The following CEP350 variants were observed in gnomAD, a reference collection of about 807,000 sequenced individuals.
The protein encoded by CEP350 is centrosome-associated protein 350.
Under a neutral mutation model 331.8 loss-of-function variants are expected in CEP350, and 126 were observed. The ratio of observed to expected loss-of-function variants is 0.38; its 90% CI spans 0.33 to 0.44. CEP350 has a LOEUF of 0.44. Among genes scored for constraint, CEP350 ranks in the 20% least tolerant of loss-of-function variants. The probability of loss-of-function intolerance (pLI) is 1.00; values close to 1 mark genes in which losing one functional copy is unlikely to be tolerated. For missense variants in CEP350, 3,406 were observed against 3,634.6 expected (o/e 0.94, Z 1.62); for synonymous variants, 1,200 against 1,259.5 (o/e 0.95, Z 1.00).
intron 1 of CEP350, among the ~76,000 whole-genome samples, chr1:179,962,120 T>TA (rs937641819): frequency 1.3e-5 from 2 of 152,176 alleles, no homozygotes; most frequent in African/African-American, 4.8e-5. Flanking sequence ...GTACTGGTAT[T>TA]ACAGGCGTGA....
At chr1:179,958,252 C>A (rs1353733899) in intron 1 of CEP350, among the ~76,000 whole-genome samples, 2 of 151,916 alleles carry the variant, frequency 1.3e-5, no homozygotes, top group African/African-American at 4.8e-5. Context: ...ATTGGAGCAA[C>A]CTTCTGGAAG....
At chr1:179,969,688 G>A (rs887835940) in intron 1 of CEP350, among the ~76,000 whole-genome samples, 1 of 152,132 alleles carries the variant, frequency 6.6e-6, no homozygotes, top group African/African-American at 2.4e-5. Context: ...GTGTGGTGGT[G>A]TGTGCTGTAA....
At chr1:179,979,945 A>G (rs1042050429) in intron 1 of CEP350, among the ~76,000 whole-genome samples, 1 of 152,066 alleles carries the variant, frequency 6.6e-6, no homozygotes, top group Non-Finnish European at 1.5e-5. Context: ...GCTTTGTAGT[A>G]TATTTTGAAA....
Position 180,087,339 on chromosome 1 carries a change from T to C in CEP350, c.6286-239T>C, listed in dbSNP as rs571565328. The C allele has an allele frequency of 3.8e-4, 108 of 282,568 alleles. 1 individual carries two copies. The highest frequency in any genetic ancestry group is 3.5e-4 in the Non-Finnish European group (53 of 153,436). The allele number at this position is 282,568 out of a possible 1,614,324, so 17.5% of individuals were successfully genotyped here. On this transcript the variant is annotated intron_variant, in intron 31 of 37. Transcript: ENST00000367607. ...AAACTTCTGTAGATTCGCAATGTCA[T>C]TTCTTAATTGATACTGGAATTACAA...
intron 7 of CEP350, among the ~76,000 whole-genome samples, chr1:180,003,898 A>G (rs1654038341): frequency 6.6e-6 from 1 of 152,162 alleles, no homozygotes; most frequent in African/African-American, 2.4e-5. Context: ...TTAAGAATTG[A>G]AGCCAAGATT....
At chr1:180,097,707 T>A (rs1384049990) in intron 36 of CEP350, among the ~76,000 whole-genome samples, 1 of 152,154 alleles carries the variant, frequency 6.6e-6, no homozygotes, top group African/African-American at 2.4e-5. Flanking sequence ...GACATAACAT[T>A]TTGTAAAGTT....
At chr1:180,065,762 C>CA in intron 27 of CEP350, among the ~76,000 whole-genome samples, 1 of 150,216 alleles carries the variant, frequency 6.7e-6, no homozygotes, top group East Asian at 1.9e-4. Flanking sequence ...TGTCCCCCCC[C>CA]AAAAAAAAAG....
In CEP350 at chr1:179,996,834, C is replaced by T; in HGVS notation, c.677C>T (p.Pro226Leu). The T allele has an allele frequency of 6.2e-7, 1 of 1,613,626 alleles. No homozygotes were observed. Among genetic ancestry groups the T allele is most frequent in the Non-Finnish European group, 8.5e-7 (1 of 1,179,644 alleles). Reference sequence around the variant, plus strand: ...TCTATGAGAACTGAGGAAGAAATGCCTAACAGAACAAAAGGAAGTGAGAAT... The same window carrying T: ...TCTATGAGAACTGAGGAAGAAATGCTTAACAGAACAAAAGGAAGTGAGAAT... Reference protein sequence around the residue: ...GASMRTEEEMPNRTKGSENNL... With the variant: ...GASMRTEEEMLNRTKGSENNL... The change falls in exon 6 of 38, where the codon CCT becomes CTT. Residue 226 changes from proline (P) to leucine (L), a missense_variant. This residue lies in a region of CEP350 where 1,857 missense variants were observed against 1,909.2 expected (regional missense o/e 0.97). Transcript: ENST00000367607.
intron 5 of CEP350, among the ~76,000 whole-genome samples, chr1:179,995,129 A>G (rs1183055093): frequency 2.6e-5 from 4 of 152,240 alleles, no homozygotes; most frequent in African/African-American, 9.6e-5. Flanking sequence ...GATTAGCCAC[A>G]TATCATGTGC....
intron 6 of CEP350, among the ~76,000 whole-genome samples, chr1:179,998,348 G>C (rs192524682): frequency 1.5e-5 from 2 of 130,526 alleles, no homozygotes; most frequent in Non-Finnish European, 3.1e-5. Flanking sequence ...TCACTCTGTC[G>C]CCCAGGCTGG....
chr1:179,998,749 T>G (rs1424986052), intron 6 of CEP350, among the ~76,000 whole-genome samples: 1 of 152,178 alleles, frequency 6.6e-6, no homozygotes, highest in Non-Finnish European at 1.5e-5. Flanking sequence ...CTTTAGTCAT[T>G]TTTCTCTAAA....
At chr1:180,090,566 A>G (rs1314466987) in intron 32 of CEP350, 148 bp from the exon 33 acceptor site, 5 of 459,794 alleles carry the variant, frequency 1.1e-5, no homozygotes, top group Non-Finnish European at 1.3e-5. Context: ...AAAAAAAAAA[A>G]AAAAGAAATA....
chr1:180,004,873 G>T (rs12137828), intron 7 of CEP350, among the ~76,000 whole-genome samples: 7,932 of 99,540 alleles, frequency 0.08, 464 homozygotes, highest in Middle Eastern at 0.15. Context: ...CAGGCTGGCT[G>T]GCTTGCTTGC....
chr1:180,092,057 C>A (rs915568695), intron 33 of CEP350, among the ~76,000 whole-genome samples: 3 of 140,570 alleles, frequency 2.1e-5, no homozygotes, highest in Admixed American at 7.2e-5. Context: ...AAAAAAAAAA[C>A]GATTTGAATT....
chr1:180,022,753 C>T lies in CEP350; in HGVS notation c.3291C>T (p.Thr1097=), dbSNP rs144243237. 3.6e-5 allele frequency: 58 copies of T among 1,611,092 alleles called. No homozygotes were observed. The highest frequency in any genetic ancestry group is 2.2e-4 in the East Asian group (10 of 44,868). The part of the protein sequence containing the change: ...GTSTSRPLNA[T]ATPLSGVSYE... ...CAACATCACGGCCTTTGAATGCCAC[C>T]GCAACTCCTCTAAGTGGTGTTTCAT... Residue 1097 remains threonine, a synonymous_variant, in exon 13 of 38, where the codon ACC becomes ACT. Coordinates refer to ENST00000367607, the MANE Select transcript of CEP350 (RefSeq NM_014810.5).
chr1:180,041,001 T>C, intron 17 of CEP350, 137 bp from the exon 18 acceptor site: 1 of 632,034 alleles, frequency 1.6e-6, no homozygotes. Flanking sequence ...TTGACTATTA[T>C]TTTTACTATC....
rs78247100 is a variant in CEP350 at position 180,063,058 on chromosome 1, C to T, written c.5409+692C>T. On this transcript the variant is annotated intron_variant, in intron 26 of 37. Coordinates refer to ENST00000367607, the MANE Select transcript of CEP350 (RefSeq NM_014810.5). ...AGGGCTTTGCTCTTATTTATCAATC[C>T]AAACAAATTCTTCAGAATTAATGGG... is the stretch of plus-strand genomic sequence containing the variant. Among the ~76,000 whole-genome samples the T allele has an allele frequency of 4.4e-3, 665 of 152,134 alleles. 5 individuals are homozygous for T. The highest frequency in any genetic ancestry group is 0.015 in the African/African-American group (633 of 41,502).
intron 1 of CEP350, among the ~76,000 whole-genome samples, chr1:179,973,080 G>C (rs1007390537): frequency 2.0e-5 from 3 of 151,924 alleles, no homozygotes; most frequent in Non-Finnish European, 2.9e-5. Flanking sequence ...TGTTAGCCAG[G>C]ATGGTCTTGA....
rs545169466 is a variant in CEP350 at position 180,095,673 on chromosome 1, A to C, written c.8662A>C (p.Lys2888Gln). The part of the protein sequence containing the change: ...FGLSSSHKIQ[K>Q]NKAEETIVPL... ...TTTGAGCTCTTCTCACAAGATCCAA[A>C]AAAATAAGGCAGAAGAAACCATTGT... Residue 2888 changes from lysine to glutamine, a missense_variant, in exon 35 of 38, where the codon AAA becomes CAA. By Grantham distance (53) the Lys-to-Gln change is moderately conservative. Around this residue, in one of 5 missense-constraint regions of CEP350, gnomAD observed 1,415 missense variants for 1,512.3 expected, o/e 0.94. Transcript: ENST00000367607. 49 of 1,614,004 alleles carry C rather than the reference A, an allele frequency of 3.0e-5. 1 individual carries two copies. The South Asian group carries it at 5.3e-4, about 17-fold the overall frequency.
Sources: allele counts gnomAD v4.1 joint callset (sites outside exome capture counted in the v4.1 genomes callset), GRCh38; gene constraint gnomAD v4.1.1; regional missense constraint gnomAD v4.1.1; transcripts MANE v1.5; gene names NCBI Gene and HGNC (gene_info 2026-07-23, HGNC 2026-07-21).